The following CTTNBP2 variants were observed in gnomAD, a reference collection of about 807,000 sequenced individuals.
The protein encoded by CTTNBP2 is cortactin-binding protein 2.
CTTNBP2 carries 108 observed loss-of-function variants against 156.9 expected under a neutral mutation model. The ratio of observed to expected loss-of-function variants is 0.69; its 90% confidence interval spans 0.59 to 0.81. CTTNBP2 has a LOEUF of 0.81. Ranked by LOEUF, CTTNBP2 falls within the 30% of genes least tolerant of loss-of-function variation. The pLI is 0.00. For missense variants in CTTNBP2, 1,924 were observed against 2,035.4 expected (o/e 0.95, Z 1.05); for synonymous variants, 767 against 751.8 (o/e 1.02, Z -0.33).
At chr7:117,739,793 C>G (rs1239057123) in intron 14 of CTTNBP2, among the ~76,000 whole-genome samples, 1 of 152,150 alleles carries the variant, frequency 6.6e-6, no homozygotes, top group Non-Finnish European at 1.5e-5. Flanking sequence ...ACAGGGCAAG[C>G]CTTTAAAGAG....
chr7:117,829,039 A>C (rs1326889782), intron 2 of CTTNBP2, among the ~76,000 whole-genome samples: 2 of 152,252 alleles, frequency 1.3e-5, no homozygotes, highest in Non-Finnish European at 2.9e-5. Context: ...TTATATATTT[A>C]AAATCTATTC....
Position 117,861,294 on chromosome 7 carries a change from G to A in CTTNBP2, c.104C>T (p.Thr35Ile), listed in dbSNP as rs1014211385. ...EAAKKEFDVD[T>I]LSKSELRMLL... ...CATCCGCAGCTCGGATTTACTGAGA[G>A]TATCCACATCAAACTCTTTTTTCTG... Residue 35 changes from threonine to isoleucine, a missense_variant, in exon 2 of 23, where the codon ACT becomes ATT. Thr to Ile is a moderately conservative substitution (Grantham distance 89, BLOSUM62 -1). Coordinates refer to ENST00000160373, the MANE Select transcript of CTTNBP2 (RefSeq NM_033427.3). 7 of 1,612,876 alleles carry A rather than the reference G, an allele frequency of 4.3e-6. No homozygotes were observed. The highest frequency in any genetic ancestry group is 5.9e-6 in the Non-Finnish European group (7 of 1,179,432).
chr7:117,760,488 G>A lies in CTTNBP2; in HGVS notation c.3119C>T (p.Thr1040Ile). ...ACTGAGGCCGATGTTGGAATCAGTG[G>A]TGTTATTGCAAGTCACGTCTTCCAG... ...WSLEDVTCNN[T>I]TDSNIGLSAR... The change falls in exon 10 of 23, where the codon ACC (threonine) becomes ATC (isoleucine). Residue 1040 changes from threonine to isoleucine, a missense_variant. Coordinates refer to ENST00000160373, the MANE Select transcript of CTTNBP2 (RefSeq NM_033427.3). 1 of 1,614,130 alleles carries A rather than the reference G, an allele frequency of 6.2e-7. No homozygotes were observed. The highest frequency in any genetic ancestry group is 8.5e-7 in the Non-Finnish European group (1 of 1,179,986).
At chr7:117,816,778 A>C (rs1043809093) in intron 2 of CTTNBP2, among the ~76,000 whole-genome samples, 2 of 152,178 alleles carry the variant, frequency 1.3e-5, no homozygotes, top group Non-Finnish European at 2.9e-5. Context: ...TAATAAAGGC[A>C]GATCAACAAC....
chr7:117,732,947 AT>A (rs1229429406), intron 16 of CTTNBP2, among the ~76,000 whole-genome samples: 5 of 152,262 alleles, frequency 3.3e-5, no homozygotes, highest in South Asian at 2.1e-4. Flanking sequence ...ACTCTTTTAT[AT>A]TTTTTAAGCT....
At chr7:117,741,725 A>T (rs893022137) in intron 14 of CTTNBP2, among the ~76,000 whole-genome samples, 3 of 152,188 alleles carry the variant, frequency 2.0e-5, no homozygotes, top group African/African-American at 7.2e-5. Flanking sequence ...TTCATTTTTT[A>T]AAATCCAAAT....
At chr7:117,770,610 A>T (rs185779096) in intron 8 of CTTNBP2, among the ~76,000 whole-genome samples, 134 of 152,356 alleles carry the variant, frequency 8.8e-4, no homozygotes, top group Admixed American at 2.7e-3. Context: ...GCCAGGGGCT[A>T]TTATGAGGGC....
At chr7:117,842,832 A>G (rs1365166835) in intron 2 of CTTNBP2, among the ~76,000 whole-genome samples, 1 of 152,252 alleles carries the variant, frequency 6.6e-6, no homozygotes, top group Non-Finnish European at 1.5e-5. Flanking sequence ...ATTTGGAGTC[A>G]ATCTAAATAC....
chr7:117,724,636 C>T lies in CTTNBP2; in HGVS notation c.4358G>A (p.Gly1453Asp), dbSNP rs774282148. 6.2e-7 allele frequency: 1 copy of T among 1,614,032 alleles called. No individual in the cohort carries two copies. The highest frequency in any genetic ancestry group is 8.5e-7 in the Non-Finnish European group (1 of 1,179,970). Residue 1453 changes from glycine to aspartate, a missense_variant, in exon 19 of 23, where the codon GGT becomes GAT. Gly to Asp is a moderately conservative substitution (Grantham distance 94). Transcript: ENST00000160373. The part of the protein sequence containing the change: ...NTCNKKKGES[G>D]AWRKVNTSPR... Reference sequence around the variant, plus strand: ...ACTGGTGTTCACCTTTCTCCAGGCACCACTCTCTCCTTTCTTCTTGTTACA... The same window carrying T: ...ACTGGTGTTCACCTTTCTCCAGGCATCACTCTCTCCTTTCTTCTTGTTACA...
chr7:117,744,540 C>T (rs993835720), intron 14 of CTTNBP2, among the ~76,000 whole-genome samples: 7 of 151,998 alleles, frequency 4.6e-5, no homozygotes, highest in Non-Finnish European at 7.4e-5. Flanking sequence ...GGTCGAATAG[C>T]GCTCCATCGT....
intron 22 of CTTNBP2, among the ~76,000 whole-genome samples, chr7:117,717,761 G>A (rs1199430657): frequency 6.6e-6 from 1 of 150,644 alleles, no homozygotes; most frequent in Non-Finnish European, 1.5e-5. Context: ...AAAAAAACAT[G>A]GAGATCTCAA....
chr7:117,765,584 G>A (rs890751650), intron 9 of CTTNBP2, among the ~76,000 whole-genome samples: 1 of 152,104 alleles, frequency 6.6e-6, no homozygotes, highest in Admixed American at 6.5e-5. Flanking sequence ...ACATGTCTGA[G>A]ATAGAAATTA....
At chr7:117,716,193 ATCTTAAACAAAGCTGCCCAG>A (rs1794359873) in intron 22 of CTTNBP2, among the ~76,000 whole-genome samples, 1 of 123,996 alleles carries the variant, frequency 8.1e-6, no homozygotes, top group Non-Finnish European at 1.8e-5. Flanking sequence ...TTTAAAAAAT[ATCTTAAACAAAGCTGCCCAG>A]AACTTTGACT....
chr7:117,729,132 T>C (rs1433351231), intron 16 of CTTNBP2, among the ~76,000 whole-genome samples: 2 of 152,220 alleles, frequency 1.3e-5, no homozygotes, highest in African/African-American at 2.4e-5. Context: ...ATTCTCTTAA[T>C]GACTGTCTAA....
At chr7:117,733,744 T>A (rs1380589083) in intron 16 of CTTNBP2, among the ~76,000 whole-genome samples, 1 of 152,136 alleles carries the variant, frequency 6.6e-6, no homozygotes, top group African/African-American at 2.4e-5. Flanking sequence ...GTTCAATGAA[T>A]TCCCAAAAGC....
chr7:117,715,489 AAAAAG>A (rs1228990607), intron 22 of CTTNBP2, among the ~76,000 whole-genome samples: 3 of 151,560 alleles, frequency 2.0e-5, no homozygotes, highest in African/African-American at 2.4e-5. Flanking sequence ...AAAAAAAAAA[AAAAAG>A]AAGCCTCAAG....
At chr7:117,724,065 G>A (rs777905756) in intron 19 of CTTNBP2, among the ~76,000 whole-genome samples, 9 of 151,896 alleles carry the variant, frequency 5.9e-5, no homozygotes, top group Admixed American at 4.6e-4. Context: ...TATTTCCAGT[G>A]CCTAGACTAA....
At chr7:117,744,689 C>T (rs1021963086) in intron 14 of CTTNBP2, among the ~76,000 whole-genome samples, 1 of 151,772 alleles carries the variant, frequency 6.6e-6, no homozygotes, top group African/African-American at 2.4e-5. Context: ...AGTTCAAGAC[C>T]AGCCTGAGCA....
At chr7:117,864,035 T>C (rs1055644002) in intron 1 of CTTNBP2, among the ~76,000 whole-genome samples, 7 of 152,172 alleles carry the variant, frequency 4.6e-5, no homozygotes, top group Non-Finnish European at 8.8e-5. Context: ...ATAAGCAAAG[T>C]GCTCCATTTT....
Sources: gnomAD v4.1 joint callset for allele counts (sites outside exome capture counted in the v4.1 genomes callset) on GRCh38, gnomAD v4.1.1 for gene constraint, MANE v1.5 for transcripts, NCBI Gene and HGNC (gene_info 2026-07-23, HGNC 2026-07-21) for gene names.